Variants in MYL5 observed in about 807,000 individuals in gnomAD.
MYL5 encodes the protein myosin regulatory light chain 5.
A neutral mutation model predicts 20.8 loss-of-function variants in MYL5; 28 were observed. The observed-to-expected ratio is 1.35, with a 90% CI of 1.00 to 1.84. The LOEUF is 1.84. MYL5 is among the 40% of genes most tolerant of loss of function. MYL5 has a pLI of 0.00. For synonymous variants in MYL5, 118 were observed against 87.4 expected (o/e 1.35, Z -1.95); for missense variants, 274 against 227.3 (o/e 1.21, Z -1.32).
upstream of MYL5, among the ~76,000 whole-genome samples, chr4:676,653 G>A (rs573619984): frequency 2.4e-4 from 36 of 152,290 alleles, no homozygotes; most frequent in African/African-American, 6.3e-4. Flanking sequence ...CACATTCCCG[G>A]TGGCCTCGGG....
At chr4:675,216 G>C (rs1577323629), upstream of MYL5, 3 of 152,516 alleles carry the variant, frequency 2.0e-5, no homozygotes, top group South Asian at 4.1e-4. Flanking sequence ...CCTCCCCGCT[G>C]TGCCCGAAGT....
chr4:679,912 A>G lies in MYL5; in HGVS notation c.188-2A>G. 1.9e-6 allele frequency: 3 copies of G among 1,613,510 alleles called. No homozygotes were observed. The highest frequency in any genetic ancestry group is 2.5e-6 in the Non-Finnish European group (3 of 1,179,852). On this transcript the variant is annotated splice_acceptor_variant, in intron 3 of 6. Transcript: ENST00000400159. LOFTEE classifies it high-confidence loss of function. Reference sequence around the variant, plus strand: ...CCTGTGATGCCCCCATGTCTGTAACAGGCAAGACCAACGTCAAGGACGACG... The same window carrying G: ...CCTGTGATGCCCCCATGTCTGTAACGGGCAAGACCAACGTCAAGGACGACG...
upstream of MYL5, chr4:675,375 A>G: frequency 6.6e-6 from 1 of 152,324 alleles, no homozygotes; most frequent in East Asian, 1.9e-4. Flanking sequence ...TAGTGACGCA[A>G]GGCCTCCTGT....
At chr4:678,958 G>A (rs746798244) in exon 3 of MYL5, 1 of 1,613,780 alleles carries the variant, frequency 6.2e-7, no homozygotes, top group South Asian at 1.1e-5. Flanking sequence ...TGGTCCCCAG[G>A]CATTCACACT....
At chr4:676,553 T>TC (rs1738859521), upstream of MYL5, 1 of 152,146 alleles carries the variant, frequency 6.6e-6, no homozygotes, top group South Asian at 2.1e-4. Context: ...AAGCCGATAC[T>TC]CCCCCGGCTC....
rs200809057 is a variant in MYL5, at chr4:678,921, G to A, written c.112-37G>A. ...GCAGGGGGCGGGGCAGAGCCCAGCC[G>A]GGTTGGCAGCACAGCAGCCCTGACC... is the stretch of plus-strand genomic sequence containing the variant. On this transcript the variant is annotated intron_variant, in intron 2 of 6. Transcript: ENST00000400159. The A allele has an allele frequency of 9.9e-4, 1,603 of 1,611,922 alleles. 1 individual carries two copies. Among genetic ancestry groups the A allele is most frequent in the Non-Finnish European group, 1.3e-3 (1,502 of 1,178,492 alleles).
Position 681,050 on chromosome 4 carries a change from A to G in MYL5, c.372-42A>G, listed in dbSNP as rs377299244. 32 of 1,564,562 alleles carry G rather than the reference A, an allele frequency of 2.0e-5. No homozygotes were observed. The Admixed American group carries it at 3.6e-4, about 17-fold the overall frequency. Reference sequence around the variant, plus strand: ...TGAGCCCCACCGAGAAGGCTCCTGCACCCCCGCATCAGCCCGCGCTGACCC... The same window carrying G: ...TGAGCCCCACCGAGAAGGCTCCTGCGCCCCCGCATCAGCCCGCGCTGACCC... On this transcript the variant is annotated intron_variant, in intron 5 of 6. Transcript: ENST00000400159.
intron 1 of MYL5, chr4:678,325 C>G: frequency 2.1e-6 from 3 of 1,421,426 alleles, no homozygotes; most frequent in Middle Eastern, 2.6e-4. Context: ...GTACCCAGAA[C>G]AAGCCCACCC....
In MYL5 at chr4:679,053, G is replaced by A. The variant is rs756113431; in HGVS notation, c.187+20G>A. 5.4e-5 allele frequency: 87 copies of A among 1,608,856 alleles called. No homozygotes were observed. Among genetic ancestry groups the A allele is most frequent in the Non-Finnish European group, 6.5e-5 (77 of 1,175,908 alleles). Reference sequence around the variant, plus strand: ...CCCTGGGTAGGTACCCAGGCAGAACGCCTCAGAGCCCTTGGAGGAGGCGAA... The same window carrying A: ...CCCTGGGTAGGTACCCAGGCAGAACACCTCAGAGCCCTTGGAGGAGGCGAA... On this transcript the variant is annotated intron_variant, in intron 3 of 6. Coordinates refer to ENST00000400159, the Ensembl canonical transcript of MYL5.
upstream of MYL5, chr4:676,329 C>G (rs538525632): frequency 6.6e-6 from 1 of 152,518 alleles, no homozygotes; most frequent in East Asian, 1.9e-4. Flanking sequence ...GGGGGACATA[C>G]CAGCAGCTTC....
rs571127151 is a variant in MYL5 at position 680,538 on chromosome 4, G to A, written c.322G>A (p.Ala108Thr). The A allele has an allele frequency of 2.2e-5, 36 of 1,613,564 alleles. No individual in the cohort carries two copies. The South Asian group carries it at 3.1e-4, about 14-fold the overall frequency. ...CGACGCCGAGGAGACCATTCTTAAC[G>A]CCTTCAAGATGCTGGACCCGGACGG... Residue 108 changes from alanine to threonine, a missense_variant, in exon 5 of 7, where the codon GCC becomes ACC. Ala to Thr is a moderately conservative substitution (Grantham distance 58). Transcript: ENST00000400159.
chr4:678,148 G>T, intron 1 of MYL5, 119 bp downstream of exon 3: 1 of 1,551,754 alleles, frequency 6.4e-7, no homozygotes, highest in Non-Finnish European at 8.7e-7. Flanking sequence ...TGCAGGTGTG[G>T]GCGTGTGCTC....
upstream of MYL5, chr4:676,814 C>T (rs1577326367): frequency 8.8e-6 from 8 of 914,248 alleles, no homozygotes; most frequent in Middle Eastern, 5.5e-4. Context: ...CACATCTGGT[C>T]ACCTGACACC....
At chr4:678,660 C>T (rs903310234) in exon 2 of MYL5, 27 of 1,606,014 alleles carry the variant, frequency 1.7e-5, no homozygotes, top group Non-Finnish European at 2.2e-5. Flanking sequence ...CACCGCAGGC[C>T]AGCAGGAAGA....
At chr4:677,597 G>C (rs1156277152), upstream of MYL5, among the ~76,000 whole-genome samples, 2 of 152,224 alleles carry the variant, frequency 1.3e-5, no homozygotes, top group African/African-American at 4.8e-5. Context: ...CAGAAGCCCG[G>C]TGACCAGCTG....
At chr4:678,287 G>C in intron 1 of MYL5, 5 of 1,439,204 alleles carry the variant, frequency 3.5e-6, no homozygotes, top group Admixed American at 2.5e-5. Context: ...AGCAGGATGA[G>C]GGGGTTCCTG....
Position 681,076 on chromosome 4 carries a change from C to G in MYL5, c.372-16C>G. On this transcript the variant is annotated splice_polypyrimidine_tract_variant and intron_variant, in intron 5 of 6. Coordinates refer to ENST00000400159, the Ensembl canonical transcript of MYL5. ...CCCCCGCATCAGCCCGCGCTGACCC[C>G]TTTCCTCGTCCTCAGCATCAAGCGT... 1 of 1,593,058 alleles carries G rather than the reference C, an allele frequency of 6.3e-7. No individual in the cohort carries two copies. Among genetic ancestry groups the G allele is most frequent in the Non-Finnish European group, 8.5e-7 (1 of 1,170,256 alleles).
chr4:676,334 A>T (rs1466152314), upstream of MYL5: 1 of 152,390 alleles, frequency 6.6e-6, no homozygotes. Context: ...ACATACCAGC[A>T]GCTTCCACCA....
intron 3 of MYL5, chr4:679,275 G>GTGATGGCCCTGGCCGCC: frequency 2.5e-6 from 1 of 400,046 alleles, no homozygotes; most frequent in Non-Finnish European, 4.1e-6. Flanking sequence ...CTCAGAGTGG[G>GTGATGGCCCTGGCCGCC]CTTTGAGGCA....
Sources: allele counts gnomAD v4.1 joint callset (sites outside exome capture counted in the v4.1 genomes callset), GRCh38; gene constraint gnomAD v4.1.1; transcripts MANE v1.5; gene names NCBI Gene and HGNC (gene_info 2026-07-23, HGNC 2026-07-21).